The following EBF2 variants were observed in gnomAD, a reference collection of about 807,000 sequenced individuals.
EBF2 encodes the protein EBF transcription factor 2.
A neutral mutation model predicts 72.8 loss-of-function variants in EBF2; 21 were observed. The ratio of observed to expected loss-of-function variants is 0.29; its 90% confidence interval spans 0.20 to 0.42. The LOEUF (loss-of-function observed/expected upper bound fraction) is 0.42, where lower values mean the gene tolerates loss of function less well. Ranked by LOEUF, EBF2 falls within the 10% of genes least tolerant of loss-of-function variation. The probability of loss-of-function intolerance (pLI) is 1.00; values close to 1 mark genes in which losing one functional copy is unlikely to be tolerated. For synonymous variants in EBF2, 299 were observed against 274.2 expected (o/e 1.09, Z -0.89); for missense variants, 637 against 731.2 (o/e 0.87, Z 1.49).
At chr8:26,036,092 G>C (rs186204830) in intron 5 of EBF2, among the ~76,000 whole-genome samples, 1 of 152,134 alleles carries the variant, frequency 6.6e-6, no homozygotes, top group Non-Finnish European at 1.5e-5. Flanking sequence ...GCAATGCCGG[G>C]TACAATTTAA....
Position 26,021,947 on chromosome 8 carries a change from G to C in EBF2, c.551+11138C>G, listed in dbSNP as rs184717762. ...AATCTATTTCCTATGTGTATCTTCTGAAGTGAGAGAATACTTTTTGCATGT... is the reference window on the plus strand; with the variant it reads ...AATCTATTTCCTATGTGTATCTTCTCAAGTGAGAGAATACTTTTTGCATGT... On this transcript the variant is annotated intron_variant, in intron 6 of 15. Transcript: ENST00000520164. Among the ~76,000 whole-genome samples, 15 of 152,308 alleles carry C rather than the reference G, an allele frequency of 9.8e-5. No individual in the cohort carries two copies. The East Asian group carries it at 1.7e-3, about 18-fold the overall frequency.
intron 14 of EBF2, among the ~76,000 whole-genome samples, chr8:25,854,099 A>C (rs951483715): frequency 7.2e-5 from 11 of 152,266 alleles, no homozygotes; most frequent in African/African-American, 2.4e-4. Context: ...GAAAATCTCG[A>C]TTTCTTTGGG....
At chr8:25,855,455 C>T (rs990249607) in intron 14 of EBF2, among the ~76,000 whole-genome samples, 5 of 152,098 alleles carry the variant, frequency 3.3e-5, no homozygotes, top group Non-Finnish European at 5.9e-5. Flanking sequence ...AGTAAAGATG[C>T]GGGTTTCTGA....
At chr8:25,999,855 C>T (rs564374377) in intron 6 of EBF2, among the ~76,000 whole-genome samples, 2 of 152,190 alleles carry the variant, frequency 1.3e-5, no homozygotes, top group South Asian at 4.2e-4. Flanking sequence ...CACTAAATTT[C>T]TCTAGTACCA....
At chr8:25,907,626 C>T (rs1465021314) in intron 7 of EBF2, among the ~76,000 whole-genome samples, 1 of 151,938 alleles carries the variant, frequency 6.6e-6, no homozygotes, top group Admixed American at 6.6e-5. Flanking sequence ...CCTTCCAGAA[C>T]CTCGCTTGTC....
intron 10 of EBF2, among the ~76,000 whole-genome samples, chr8:25,870,999 C>G (rs147613812): frequency 1.0e-3 from 154 of 152,278 alleles, no homozygotes; most frequent in Middle Eastern, 3.4e-3. Flanking sequence ...AAGCATGAAG[C>G]TGAAAGTACT....
At chr8:25,872,022 A>T (rs1036174215) in intron 10 of EBF2, among the ~76,000 whole-genome samples, 1 of 151,816 alleles carries the variant, frequency 6.6e-6, no homozygotes, top group Non-Finnish European at 1.5e-5. Flanking sequence ...GTGCGATATA[A>T]AATTCTATAT....
intron 5 of EBF2, among the ~76,000 whole-genome samples, chr8:26,034,031 T>A (rs796217328): frequency 1.3e-5 from 2 of 152,182 alleles, no homozygotes; most frequent in South Asian, 4.1e-4. Flanking sequence ...TTTTATGATA[T>A]TTTAGATATT....
intron 3 of EBF2, 68 bp downstream of exon 3, chr8:26,040,871 A>C: frequency 6.2e-7 from 1 of 1,602,246 alleles, no homozygotes; most frequent in Middle Eastern, 1.8e-4. Flanking sequence ...GATCATGGCA[A>C]GGTCAGCGCG....
intron 7 of EBF2, among the ~76,000 whole-genome samples, chr8:25,907,721 C>T (rs1256850591): frequency 6.6e-6 from 1 of 152,072 alleles, no homozygotes; most frequent in Admixed American, 6.6e-5. Context: ...TGCATACTAT[C>T]GTTTAACATG....
intron 6 of EBF2, among the ~76,000 whole-genome samples, chr8:25,919,529 T>C (rs1190284430): frequency 6.6e-6 from 1 of 152,226 alleles, no homozygotes; most frequent in Non-Finnish European, 1.5e-5. Context: ...TTCAGTTTTT[T>C]ATAGTGAGTC....
At chr8:26,000,521 C>T (rs1199051404) in intron 6 of EBF2, among the ~76,000 whole-genome samples, 1 of 152,154 alleles carries the variant, frequency 6.6e-6, no homozygotes, top group Non-Finnish European at 1.5e-5. Flanking sequence ...AATAAACTCA[C>T]TATTCATTTG....
chr8:26,026,009 C>CA (rs1382603378), intron 6 of EBF2, among the ~76,000 whole-genome samples: 1 of 151,790 alleles, frequency 6.6e-6, no homozygotes, highest in Non-Finnish European at 1.5e-5. Flanking sequence ...CCTGTCTCTA[C>CA]AAAAAAATAA....
chr8:25,999,103 C>T (rs1454383752), intron 6 of EBF2, among the ~76,000 whole-genome samples: 4 of 152,044 alleles, frequency 2.6e-5, no homozygotes, highest in Non-Finnish European at 5.9e-5. Flanking sequence ...GATTAGGTTC[C>T]CTCTTAGTTA....
intron 6 of EBF2, among the ~76,000 whole-genome samples, chr8:25,920,577 T>C (rs1001856202): frequency 6.6e-6 from 1 of 152,232 alleles, no homozygotes; most frequent in African/African-American, 2.4e-5. Context: ...GAGAAAGCGA[T>C]TGTGACCCAC....
Position 25,861,296 on chromosome 8 carries a change from G to T in EBF2, c.1164+13C>A. 6.2e-7 allele frequency: 1 copy of T among 1,614,182 alleles called. No individual in the cohort carries two copies. On this transcript the variant is annotated intron_variant, in intron 12 of 15. Coordinates refer to ENST00000520164, the MANE Select transcript of EBF2 (RefSeq NM_022659.4). ...TGCAAAACTCAATAAAGGATAGGAT[G>T]TCAGTATCTCACCTGGTTATTGTGT...
At chr8:26,003,481 TCTC>T (rs1804776667) in intron 6 of EBF2, among the ~76,000 whole-genome samples, 1 of 152,130 alleles carries the variant, frequency 6.6e-6, no homozygotes, top group Non-Finnish European at 1.5e-5. Flanking sequence ...AGGTAAGTAG[TCTC>T]CTGTATTGGA....
intron 6 of EBF2, among the ~76,000 whole-genome samples, chr8:25,918,346 A>G (rs17054583): frequency 0.013 from 1,925 of 152,302 alleles, 44 homozygotes; most frequent in African/African-American, 0.044. Context: ...GTTTGTTAGC[A>G]TCATTAAACT....
At chr8:25,937,827 G>A (rs1235999669) in intron 6 of EBF2, among the ~76,000 whole-genome samples, 2 of 152,196 alleles carry the variant, frequency 1.3e-5, no homozygotes, top group Non-Finnish European at 2.9e-5. Flanking sequence ...ACAGATGTGG[G>A]CTGTCTGTTG....
Sources: gnomAD v4.1 joint callset for allele counts (sites outside exome capture counted in the v4.1 genomes callset) on GRCh38, gnomAD v4.1.1 for gene constraint, MANE v1.5 for transcripts, NCBI Gene and HGNC (gene_info 2026-07-23, HGNC 2026-07-21) for gene names.